CNTNAP2: variants seen among roughly 807,000 people sequenced by gnomAD.
CNTNAP2 encodes the protein contactin-associated protein-like 2.
In CNTNAP2, 98 loss-of-function variants were observed where a neutral mutation model predicts 155.2. The observed-to-expected ratio is 0.63, with a 90% CI of 0.54 to 0.75. The LOEUF (loss-of-function observed/expected upper bound fraction) is 0.75, where lower values mean the gene tolerates loss of function less well. CNTNAP2 is among the 30% of genes least tolerant of loss of function. The probability of loss-of-function intolerance (pLI) is 0.00; values close to 1 mark genes in which losing one functional copy is unlikely to be tolerated. For synonymous variants in CNTNAP2, 651 were observed against 631.2 expected, an observed-to-expected ratio of 1.03 and a Z score of -0.47; for missense variants, 1,727 against 1,688.1, an observed-to-expected ratio of 1.02 and a Z score of -0.40.
At chr7:146,697,276 T>C (rs1237569530) in intron 1 of CNTNAP2, among the ~76,000 whole-genome samples, 1 of 152,078 alleles carries the variant, frequency 6.6e-6, no homozygotes, top group Admixed American at 6.6e-5. Flanking sequence ...CTTGCTCTGT[T>C]GCCCAGGCTG....
chr7:147,571,264 TC>T (rs1304139575), intron 12 of CNTNAP2, among the ~76,000 whole-genome samples: 12 of 92,360 alleles, frequency 1.3e-4, no homozygotes, highest in Non-Finnish European at 1.4e-4. Flanking sequence ...ATGCTATCCC[TC>T]CCCCCTCCCC....
intron 3 of CNTNAP2, among the ~76,000 whole-genome samples, chr7:147,035,587 C>T (rs766666342): frequency 2.6e-5 from 4 of 152,168 alleles, no homozygotes; most frequent in Admixed American, 6.5e-5. Flanking sequence ...GGAACATTCA[C>T]GTCATTCTCA....
At chr7:147,515,267 C>G (rs1161754949) in intron 11 of CNTNAP2, among the ~76,000 whole-genome samples, 1 of 151,304 alleles carries the variant, frequency 6.6e-6, no homozygotes, top group Non-Finnish European at 1.5e-5. Context: ...AACCTCACTT[C>G]TGTTTTCCTT....
intron 1 of CNTNAP2, among the ~76,000 whole-genome samples, chr7:146,483,836 G>A (rs533047269): frequency 3.9e-5 from 6 of 152,192 alleles, no homozygotes; most frequent in African/African-American, 7.2e-5. Flanking sequence ...TAAAGTTACC[G>A]TAAGCTAAGG....
At chr7:147,563,369 G>A (rs531629552) in intron 12 of CNTNAP2, among the ~76,000 whole-genome samples, 20 of 152,122 alleles carry the variant, frequency 1.3e-4, no homozygotes, top group African/African-American at 3.6e-4. Context: ...GGTGGTTCAC[G>A]CCTGTAATCC....
chr7:147,470,930 T>A (rs1798206076), intron 10 of CNTNAP2, among the ~76,000 whole-genome samples: 2 of 152,014 alleles, frequency 1.3e-5, no homozygotes, highest in Admixed American at 1.3e-4. Context: ...TTTATCAAAA[T>A]TCAGGGAAAT....
chr7:146,409,588 T>A (rs374667259), intron 1 of CNTNAP2, among the ~76,000 whole-genome samples: 4 of 152,256 alleles, frequency 2.6e-5, no homozygotes, highest in African/African-American at 9.6e-5. Flanking sequence ...AAAACATCTA[T>A]CACAAAAACT....
At chr7:146,813,260 C>T (rs1803101250) in intron 2 of CNTNAP2, among the ~76,000 whole-genome samples, 1 of 152,156 alleles carries the variant, frequency 6.6e-6, no homozygotes, top group Admixed American at 6.6e-5. Context: ...CCTGCAACAG[C>T]CACAGTCACT....
At chr7:148,034,098 T>C (rs1217564150) in intron 15 of CNTNAP2, among the ~76,000 whole-genome samples, 1 of 152,222 alleles carries the variant, frequency 6.6e-6, no homozygotes, top group Non-Finnish European at 1.5e-5. Flanking sequence ...GGTACCATTA[T>C]TAGCAGAAAA....
chr7:147,452,035 C>G (rs566392336), intron 10 of CNTNAP2, among the ~76,000 whole-genome samples: 1 of 152,318 alleles, frequency 6.6e-6, no homozygotes, highest in African/African-American at 2.4e-5. Flanking sequence ...ACAGTTCCAT[C>G]TATTACAAAT....
intron 13 of CNTNAP2, among the ~76,000 whole-genome samples, chr7:147,738,877 A>T: frequency 6.6e-6 from 1 of 151,378 alleles, no homozygotes; most frequent in East Asian, 1.9e-4. Context: ...CTGGTCTTGA[A>T]CTCCTGACCT....
intron 1 of CNTNAP2, among the ~76,000 whole-genome samples, chr7:146,599,232 T>C (rs1418046688): frequency 6.6e-6 from 1 of 152,078 alleles, no homozygotes; most frequent in Non-Finnish European, 1.5e-5. Context: ...CCATGAATAA[T>C]CTATGCTCAA....
chr7:147,454,657 A>G (rs1382694003), intron 10 of CNTNAP2, among the ~76,000 whole-genome samples: 1 of 152,000 alleles, frequency 6.6e-6, no homozygotes, highest in African/African-American at 2.4e-5. Flanking sequence ...TGGTTTATAA[A>G]CTGAACATGA....
chr7:147,716,143 C>G (rs1447247933), intron 13 of CNTNAP2, among the ~76,000 whole-genome samples: 1 of 152,112 alleles, frequency 6.6e-6, no homozygotes, highest in Non-Finnish European at 1.5e-5. Flanking sequence ...TAGCATGTAT[C>G]CACCTACTAC....
intron 2 of CNTNAP2, among the ~76,000 whole-genome samples, chr7:146,816,406 A>G (rs1339929810): frequency 6.6e-6 from 1 of 152,138 alleles, no homozygotes; most frequent in Non-Finnish European, 1.5e-5. Flanking sequence ...CAAGAGAAAA[A>G]GAGTAGAAGG....
intron 2 of CNTNAP2, among the ~76,000 whole-genome samples, chr7:146,793,801 G>C (rs1037485425): frequency 6.6e-6 from 1 of 152,176 alleles, no homozygotes; most frequent in African/African-American, 2.4e-5. Context: ...GTGTCAAGAA[G>C]TATATGTTAG....
intron 13 of CNTNAP2, among the ~76,000 whole-genome samples, chr7:147,890,839 A>C (rs1799677505): frequency 6.6e-6 from 1 of 152,170 alleles, no homozygotes. Context: ...AGGATATAAA[A>C]TTTTAGTTAG....
chr7:147,708,545 A>G (rs1796352777), intron 13 of CNTNAP2, among the ~76,000 whole-genome samples: 4 of 152,056 alleles, frequency 2.6e-5, no homozygotes, highest in Non-Finnish European at 4.4e-5. Context: ...CTCTGGAGCA[A>G]TGCCTTCACT....
chr7:146,884,603 A>G (rs139303390), intron 3 of CNTNAP2, among the ~76,000 whole-genome samples: 74 of 152,156 alleles, frequency 4.9e-4, no homozygotes, highest in Admixed American at 1.2e-3. Context: ...TCCCATACAT[A>G]TGGGATTTAC....
Sources: gnomAD v4.1 joint callset for allele counts (sites outside exome capture counted in the v4.1 genomes callset) on GRCh38, gnomAD v4.1.1 for gene constraint, MANE v1.5 for transcripts, NCBI Gene and HGNC (gene_info 2026-07-23, HGNC 2026-07-21) for gene names.